GRAMD1B: variants seen among roughly 807,000 people sequenced by gnomAD.
GRAMD1B encodes protein Aster-B.
Under a neutral mutation model 99.7 loss-of-function variants are expected in GRAMD1B, and 37 were observed. The ratio of observed to expected loss-of-function variants is 0.37; its 90% CI spans 0.29 to 0.49. The LOEUF (loss-of-function observed/expected upper bound fraction) is 0.49, where lower values mean the gene tolerates loss of function less well. Among genes scored for constraint, GRAMD1B ranks in the 20% least tolerant of loss-of-function variants. The probability of loss-of-function intolerance (pLI) is 0.98; values close to 1 mark genes in which losing one functional copy is unlikely to be tolerated. For synonymous variants in GRAMD1B, 427 were observed against 387.6 expected (o/e 1.10, Z -1.19); for missense variants, 888 against 1,009.2 (o/e 0.88, Z 1.63).
At chr11:123,544,231 T>A (rs571744753) in intron 2 of GRAMD1B, among the ~76,000 whole-genome samples, 4 of 152,328 alleles carry the variant, frequency 2.6e-5, no homozygotes, top group Non-Finnish European at 5.9e-5. Flanking sequence ...TATTTGTTTC[T>A]GATATTTATT....
chr11:123,578,396 A>T, intron 3 of GRAMD1B: 2 of 1,526,902 alleles, frequency 1.3e-6, no homozygotes, highest in Non-Finnish European at 1.8e-6. Flanking sequence ...CCTTCTTTGC[A>T]TGCATGGTCT....
chr11:123,518,775 G>A (rs11219182), intron 2 of GRAMD1B, among the ~76,000 whole-genome samples: 47,771 of 151,998 alleles, frequency 0.31, 9,050 homozygotes, highest in East Asian at 0.79. Flanking sequence ...AGCCATCCAC[G>A]GAAGCCCTGG....
At chr11:123,461,330 G>A (rs935425344) in intron 1 of GRAMD1B, among the ~76,000 whole-genome samples, 33 of 152,302 alleles carry the variant, frequency 2.2e-4, no homozygotes, top group African/African-American at 7.5e-4. Context: ...TGTTTCCTAA[G>A]AGTCCCCCAG....
chr11:123,555,197 G>A lies in GRAMD1B; in HGVS notation c.453-22170G>A, dbSNP rs143853157. The stretch of plus-strand genomic sequence containing the variant: ...AAAAGAAGGGTGGATTTGCAGCTGA[G>A]GGGCAATACATGGATACGTAGCCTG... On this transcript the variant is annotated intron_variant, in intron 2 of 19. Coordinates refer to ENST00000635736, the MANE Select transcript of GRAMD1B (RefSeq NM_001387025.1). 3.9e-5 allele frequency among the ~76,000 whole-genome samples: 6 copies of A among 152,332 alleles called. No homozygotes were observed. In the East Asian group the frequency reaches 1.2e-3, roughly 29 times the overall value.
intron 1 of GRAMD1B, among the ~76,000 whole-genome samples, chr11:123,359,387 G>A (rs1946063486): frequency 6.6e-6 from 1 of 151,898 alleles, no homozygotes; most frequent in Non-Finnish European, 1.5e-5. Context: ...TTCCTCTGAG[G>A]GTGGAAGTGA....
intron 1 of GRAMD1B, among the ~76,000 whole-genome samples, chr11:123,368,679 C>CAAAAAAAAAAAAAAAAAAAAAAAAAA (rs58877377): frequency 7.7e-5 from 6 of 78,040 alleles, no homozygotes; most frequent in Non-Finnish European, 1.1e-4. Context: ...GACTCTGTCT[C>CAAAAAAAAAAAAAAAAAAAAAAAAAA]AAAAAAAAAA....
chr11:123,583,268 TGTGTGTGTGCATGTGTGTGTG>T, intron 3 of GRAMD1B, among the ~76,000 whole-genome samples: 1 of 149,982 alleles, frequency 6.7e-6, no homozygotes, highest in South Asian at 2.1e-4. Context: ...CACATGCGCA[TGTGTGTGTGCATGTGTGTGTG>T]GTGTGTGTGA....
chr11:123,429,950 TGA>T (rs922751481), upstream of GRAMD1B, among the ~76,000 whole-genome samples: 5 of 152,146 alleles, frequency 3.3e-5, no homozygotes, highest in Non-Finnish European at 7.3e-5. This position sits in a 1 kb window ranked among gnomAD's most constrained non-coding sequence, Gnocchi z 4.0. Context: ...ATGGGTGGCC[TGA>T]GAGAGTGAGG....
At chr11:123,376,178 A>G in intron 1 of GRAMD1B, among the ~76,000 whole-genome samples, 1 of 152,200 alleles carries the variant, frequency 6.6e-6, no homozygotes, top group Non-Finnish European at 1.5e-5. Flanking sequence ...GCAATATAGC[A>G]GTGTTAGAAA....
At chr11:123,435,936 A>C (rs1358704475) in intron 1 of GRAMD1B, among the ~76,000 whole-genome samples, 2 of 109,894 alleles carry the variant, frequency 1.8e-5, no homozygotes, top group African/African-American at 6.6e-5. Flanking sequence ...AGAAACTCAT[A>C]CTTTTTTTTT....
intron 1 of GRAMD1B, among the ~76,000 whole-genome samples, chr11:123,379,851 GT>G (rs1946814283): frequency 6.6e-6 from 1 of 152,184 alleles, no homozygotes; most frequent in African/African-American, 2.4e-5. Flanking sequence ...GTCAGCACTT[GT>G]TATCATCTGT....
intron 11 of GRAMD1B, among the ~76,000 whole-genome samples, chr11:123,607,524 A>G (rs1053411380): frequency 4.6e-5 from 7 of 152,172 alleles, no homozygotes; most frequent in Non-Finnish European, 8.8e-5. Flanking sequence ...GTGGTTTTCT[A>G]ACTTTTGGTT....
intron 2 of GRAMD1B, among the ~76,000 whole-genome samples, chr11:123,524,361 G>C (rs1942490320): frequency 1.4e-5 from 1 of 71,640 alleles, no homozygotes; most frequent in Non-Finnish European, 3.3e-5. Flanking sequence ...TTTTGTTTGA[G>C]ACAGAGTCTC....
At chr11:123,554,266 G>A (rs1005125377) in intron 2 of GRAMD1B, among the ~76,000 whole-genome samples, 4 of 152,182 alleles carry the variant, frequency 2.6e-5, no homozygotes, top group African/African-American at 9.6e-5. Context: ...TTTATTGGAG[G>A]AATAACTTGA....
chr11:123,594,619 C>T (rs775770716), intron 5 of GRAMD1B, 116 bp from the exon 6 acceptor site: 24 of 663,756 alleles, frequency 3.6e-5, no homozygotes, highest in African/African-American at 1.1e-4. Flanking sequence ...ACCCCTTGTC[C>T]GTGGTGGGCA....
intron 1 of GRAMD1B, among the ~76,000 whole-genome samples, chr11:123,378,157 AGAT>A (rs1946753592): frequency 6.6e-6 from 1 of 152,188 alleles, no homozygotes; most frequent in Non-Finnish European, 1.5e-5. Flanking sequence ...TTACTTCTGA[AGAT>A]GCTGAGGCTT....
At chr11:123,514,804 A>C (rs902257967) in intron 2 of GRAMD1B, among the ~76,000 whole-genome samples, 4 of 152,164 alleles carry the variant, frequency 2.6e-5, no homozygotes, top group African/African-American at 9.7e-5. Flanking sequence ...TAATTGCCTC[A>C]TTTTGCTCCA....
rs944726926 is a variant in GRAMD1B at position 123,587,372 on chromosome 11, A to G, written c.684+3040A>G. Among the ~76,000 whole-genome samples, 4 of 152,072 alleles carry G rather than the reference A, an allele frequency of 2.6e-5. No homozygotes were observed. Among genetic ancestry groups the G allele is most frequent in the African/African-American group, 9.7e-5 (4 of 41,396 alleles). ...CTCCTTACCCCCGAAGCCCCAGTCT[A>G]CCACCCCAGTCATATTCATCAGGGC... On this transcript the variant is annotated intron_variant, in intron 4 of 19. Transcript: ENST00000635736. The surrounding 1 kb of genome is among the most constrained non-coding windows in gnomAD (Gnocchi z 4.2).
chr11:123,434,466 G>A (rs1364473070), intron 1 of GRAMD1B, among the ~76,000 whole-genome samples: 1 of 152,072 alleles, frequency 6.6e-6, no homozygotes, highest in African/African-American at 2.4e-5. Context: ...AAGTGAATAG[G>A]TGCTCGTAGA....
Sources: gnomAD v4.1 joint callset for allele counts (sites outside exome capture counted in the v4.1 genomes callset) on GRCh38, gnomAD v4.1.1 for gene constraint, Gnocchi (gnomAD v3.1) non-coding constraint, MANE v1.5 for transcripts, NCBI Gene and HGNC (gene_info 2026-07-23, HGNC 2026-07-21) for gene names.